The following SUGCT variants were observed in gnomAD, a reference collection of about 807,000 sequenced individuals.
SUGCT encodes succinyl-CoA:glutarate CoA-transferase.
In SUGCT, 41 loss-of-function variants were observed where a neutral mutation model predicts 55.0. That is an observed-to-expected ratio of 0.74 (90% CI 0.58 to 0.97). The LOEUF (loss-of-function observed/expected upper bound fraction) is 0.97, where lower values mean the gene tolerates loss of function less well. Ranked by LOEUF, SUGCT falls within the 50% of genes least tolerant of loss-of-function variation. SUGCT has a pLI of 0.00. For missense variants in SUGCT, 568 were observed against 547.8 expected (o/e 1.04, Z -0.37); for synonymous variants, 187 against 200.4 (o/e 0.93, Z 0.56).
the SUGCT span, among the ~76,000 whole-genome samples, chr7:40,892,357 C>A: frequency 6.6e-6 from 1 of 151,970 alleles, no homozygotes; most frequent in South Asian, 2.1e-4. Context: ...ACCTATAGTA[C>A]ATACACAAAA....
At chr7:41,022,575 T>C in the SUGCT span, among the ~76,000 whole-genome samples, 2 of 152,248 alleles carry the variant, frequency 1.3e-5, no homozygotes, top group Middle Eastern at 6.8e-3. Context: ...CTTAAAAATA[T>C]TAAAACCAAG....
At chr7:40,320,171 A>T (rs938133892) in intron 9 of SUGCT, among the ~76,000 whole-genome samples, 3 of 151,180 alleles carry the variant, frequency 2.0e-5, no homozygotes, top group Non-Finnish European at 2.9e-5. Flanking sequence ...CAGTGGCGTG[A>T]TCTTGGCTTA....
At chr7:40,695,384 G>T (rs998546973) in intron 12 of SUGCT, among the ~76,000 whole-genome samples, 2 of 151,780 alleles carry the variant, frequency 1.3e-5, no homozygotes, top group Admixed American at 6.6e-5. Context: ...TTTTTGTAGA[G>T]ATGAGGTTTT....
At chr7:40,899,395 G>C in the SUGCT span, among the ~76,000 whole-genome samples, 1 of 152,172 alleles carries the variant, frequency 6.6e-6, no homozygotes, top group Non-Finnish European at 1.5e-5. Context: ...GTGATGGAAC[G>C]CAGGCTGCGC....
intron 9 of SUGCT, among the ~76,000 whole-genome samples, chr7:40,420,610 A>G (rs1471522177): frequency 2.0e-5 from 3 of 152,140 alleles, no homozygotes; most frequent in Non-Finnish European, 2.9e-5. Context: ...AAGTGCTGGG[A>G]TTACAGGCAT....
chr7:40,277,684 T>TTATTAC (rs1395601800), intron 8 of SUGCT, among the ~76,000 whole-genome samples: 1 of 148,416 alleles, frequency 6.7e-6, no homozygotes, highest in East Asian at 2.0e-4. Flanking sequence ...TTTGTTATTA[T>TTATTAC]TATTATTATT....
chr7:40,590,103 G>C (rs1797629511), intron 12 of SUGCT, among the ~76,000 whole-genome samples: 1 of 152,100 alleles, frequency 6.6e-6, no homozygotes, highest in Non-Finnish European at 1.5e-5. Context: ...TTTGTGTTTA[G>C]TGATTTTTGA....
the SUGCT span, among the ~76,000 whole-genome samples, chr7:40,891,583 T>A: frequency 6.6e-6 from 1 of 152,108 alleles, no homozygotes; most frequent in South Asian, 2.1e-4. Context: ...TCTTCAAAAA[T>A]TAAGGGGAGA....
chr7:40,964,524 G>A, the SUGCT span: 1 of 152,286 alleles, frequency 6.6e-6, no homozygotes, highest in Non-Finnish European at 1.5e-5. Context: ...GTGGGTCTCA[G>A]TAACATCACT....
At chr7:40,335,370 C>G (rs958621253) in intron 9 of SUGCT, among the ~76,000 whole-genome samples, 35 of 151,770 alleles carry the variant, frequency 2.3e-4, no homozygotes, top group Non-Finnish European at 4.6e-4. Context: ...TTGATTCTTC[C>G]TATCCATGAG....
chr7:40,141,743 C>T (rs374079692), intron 1 of SUGCT: 94 of 247,548 alleles, frequency 3.8e-4, no homozygotes, highest in African/African-American at 1.9e-3. Flanking sequence ...GGTCTGACTC[C>T]AGTAGCCCAT....
At chr7:40,188,839 T>C (rs946265270) in intron 4 of SUGCT, among the ~76,000 whole-genome samples, 1 of 152,154 alleles carries the variant, frequency 6.6e-6, no homozygotes, top group African/African-American at 2.4e-5. Context: ...AATAGAAAAA[T>C]TATTTGATTC....
At chr7:41,013,092 C>A in the SUGCT span, among the ~76,000 whole-genome samples, 1 of 151,184 alleles carries the variant, frequency 6.6e-6, no homozygotes, top group South Asian at 2.1e-4. Flanking sequence ...ATAAGAAGTC[C>A]ACTTATGTGT....
At chr7:40,844,191 C>A (rs1793438394) in intron 13 of SUGCT, among the ~76,000 whole-genome samples, 1 of 152,160 alleles carries the variant, frequency 6.6e-6, no homozygotes, top group Non-Finnish European at 1.5e-5. Flanking sequence ...GCATGTGTTA[C>A]AATCAGTGCT....
intron 12 of SUGCT, among the ~76,000 whole-genome samples, chr7:40,559,553 G>A (rs1562861143): frequency 6.6e-6 from 1 of 152,140 alleles, no homozygotes; most frequent in Non-Finnish European, 1.5e-5. Flanking sequence ...AGAAGAAAGG[G>A]GGTGAGAATG....
intron 13 of SUGCT, among the ~76,000 whole-genome samples, chr7:40,795,057 C>T (rs191932842): frequency 3.5e-4 from 53 of 152,184 alleles, no homozygotes; most frequent in African/African-American, 1.2e-3. Flanking sequence ...ATTGTAGTTA[C>T]ATGATAAAAT....
chr7:40,588,211 T>C (rs976555315), intron 12 of SUGCT, among the ~76,000 whole-genome samples: 2 of 151,954 alleles, frequency 1.3e-5, no homozygotes, highest in African/African-American at 4.8e-5. Context: ...CCTCCTTTTG[T>C]ATTTCTAAGA....
chr7:40,675,811 G>T (rs1031956133), intron 12 of SUGCT, among the ~76,000 whole-genome samples: 3 of 152,162 alleles, frequency 2.0e-5, no homozygotes, highest in African/African-American at 7.2e-5. Flanking sequence ...GGGAGATGGG[G>T]CTGGAAAGCA....
intron 9 of SUGCT, among the ~76,000 whole-genome samples, chr7:40,414,931 G>A (rs1233836884): frequency 6.6e-6 from 1 of 151,368 alleles, no homozygotes; most frequent in Non-Finnish European, 1.5e-5. Flanking sequence ...CATAATCCAA[G>A]CTACTCGGGA....
Sources: gnomAD v4.1 joint callset for allele counts (sites outside exome capture counted in the v4.1 genomes callset) on GRCh38, gnomAD v4.1.1 for gene constraint, MANE v1.5 for transcripts, NCBI Gene and HGNC (gene_info 2026-07-23, HGNC 2026-07-21) for gene names.